Variants in LYPLAL1 observed in about 807,000 individuals in gnomAD.
LYPLAL1 encodes lysophospholipase like 1, also known as lysophospholipase-like protein 1.
LYPLAL1 carries 23 observed loss-of-function variants against 19.7 expected under a neutral mutation model. The observed-to-expected ratio is 1.17, with a 90% CI of 0.84 to 1.65. The LOEUF (loss-of-function observed/expected upper bound fraction) is 1.65. Ranked by LOEUF, LYPLAL1 falls within the 40% of genes most tolerant of loss-of-function variation. The pLI is 0.00. For missense variants in LYPLAL1, 355 were observed against 279.4 expected, an observed-to-expected ratio of 1.27 and a Z score of -1.93; for synonymous variants, 119 against 96.3, an observed-to-expected ratio of 1.24 and a Z score of -1.38.
chr1:219,338,706 A>T, the LYPLAL1 span, among the ~76,000 whole-genome samples: 8 of 151,912 alleles, frequency 5.3e-5, no homozygotes, highest in African/African-American at 1.7e-4. Context: ...TCATCTCAGT[A>T]AATTCTACAA....
At chr1:219,312,177 C>A in the LYPLAL1 span, among the ~76,000 whole-genome samples, 1 of 152,038 alleles carries the variant, frequency 6.6e-6, no homozygotes, top group African/African-American at 2.4e-5. Flanking sequence ...GGACATATTG[C>A]AGGAGGAAGG....
chr1:219,288,621 A>G, the LYPLAL1 span, among the ~76,000 whole-genome samples: 7 of 152,302 alleles, frequency 4.6e-5, no homozygotes, highest in East Asian at 1.4e-3. Context: ...GATATACAAC[A>G]CTAAGCATGA....
At chr1:219,313,526 A>T in the LYPLAL1 span, among the ~76,000 whole-genome samples, 1 of 77,240 alleles carries the variant, frequency 1.3e-5, no homozygotes, top group East Asian at 8.0e-4. Flanking sequence ...CTTTTTAAAA[A>T]AACTTTTTTT....
the LYPLAL1 span, among the ~76,000 whole-genome samples, chr1:219,294,297 A>G: frequency 6.6e-6 from 1 of 152,200 alleles, no homozygotes; most frequent in African/African-American, 2.4e-5. Context: ...CAATTAGTCA[A>G]GGATCCTTGT....
At chr1:219,388,575 G>A in the LYPLAL1 span, among the ~76,000 whole-genome samples, 3 of 152,144 alleles carry the variant, frequency 2.0e-5, no homozygotes, top group Admixed American at 2.0e-4. Flanking sequence ...TGACTGGAAG[G>A]GTTCGATTCT....
the LYPLAL1 span, among the ~76,000 whole-genome samples, chr1:219,247,582 A>G: frequency 6.6e-6 from 1 of 152,232 alleles, no homozygotes. Context: ...ACTATTAACC[A>G]GAACTAGGCT....
the LYPLAL1 span, among the ~76,000 whole-genome samples, chr1:219,437,747 TTGTA>T: frequency 6.3e-5 from 9 of 143,470 alleles, no homozygotes; most frequent in South Asian, 2.2e-4. Flanking sequence ...TATTATTTTA[TTGTA>T]TTTATTTTAT....
At chr1:219,195,126 T>C (rs1197623151) in intron 3 of LYPLAL1, among the ~76,000 whole-genome samples, 1 of 152,096 alleles carries the variant, frequency 6.6e-6, no homozygotes, top group African/African-American at 2.4e-5. Flanking sequence ...AATAATAATA[T>C]AATATCTGTT....
the LYPLAL1 span, among the ~76,000 whole-genome samples, chr1:219,376,362 G>T: frequency 1.3e-5 from 2 of 152,016 alleles, no homozygotes; most frequent in East Asian, 3.9e-4. Context: ...AAATATAAAA[G>T]CAAAAATTAT....
intron 1 of LYPLAL1, among the ~76,000 whole-genome samples, chr1:219,177,314 T>A (rs1250046484): frequency 6.6e-6 from 1 of 152,198 alleles, no homozygotes; most frequent in Non-Finnish European, 1.5e-5. Context: ...TTTTAGCTTT[T>A]GTGGGCCATG....
the LYPLAL1 span, among the ~76,000 whole-genome samples, chr1:219,361,438 G>T: frequency 1.4e-4 from 21 of 152,074 alleles, no homozygotes; most frequent in Admixed American, 4.6e-4. Flanking sequence ...AGCTATATTT[G>T]CTAGGGAGTG....
the LYPLAL1 span, among the ~76,000 whole-genome samples, chr1:219,321,629 G>C: frequency 6.6e-6 from 1 of 152,146 alleles, no homozygotes; most frequent in Non-Finnish European, 1.5e-5. Flanking sequence ...AAAGGTGTAA[G>C]GAAGGGATCA....
the LYPLAL1 span, among the ~76,000 whole-genome samples, chr1:219,264,755 G>C: frequency 6.6e-6 from 1 of 152,168 alleles, no homozygotes; most frequent in Non-Finnish European, 1.5e-5. Flanking sequence ...CAATGCCTGT[G>C]TGAGCTCCAG....
the LYPLAL1 span, among the ~76,000 whole-genome samples, chr1:219,301,323 G>T: frequency 6.6e-6 from 1 of 152,130 alleles, no homozygotes; most frequent in Non-Finnish European, 1.5e-5. Flanking sequence ...CGTAATTATG[G>T]TACAGAATGG....
the LYPLAL1 span, among the ~76,000 whole-genome samples, chr1:219,404,174 G>A: frequency 6.6e-6 from 1 of 152,086 alleles, no homozygotes; most frequent in Non-Finnish European, 1.5e-5. Context: ...CATCATAAGA[G>A]CCCCATTCTC....
chr1:219,336,216 T>C, the LYPLAL1 span, among the ~76,000 whole-genome samples: 1 of 151,744 alleles, frequency 6.6e-6, no homozygotes, highest in Non-Finnish European at 1.5e-5. Context: ...CACCAGCTAA[T>C]TTTGGAGGCA....
chr1:219,280,594 G>A, the LYPLAL1 span, among the ~76,000 whole-genome samples: 1 of 152,088 alleles, frequency 6.6e-6, no homozygotes, highest in South Asian at 2.1e-4. Context: ...TATATGTTTA[G>A]TCTAGGAAAA....
At chr1:219,348,997 A>G in the LYPLAL1 span, among the ~76,000 whole-genome samples, 3 of 152,208 alleles carry the variant, frequency 2.0e-5, no homozygotes, top group Non-Finnish European at 2.9e-5. Flanking sequence ...TCATATGATT[A>G]TTTCATTTTA....
the LYPLAL1 span, among the ~76,000 whole-genome samples, chr1:219,388,646 G>A: frequency 6.6e-6 from 1 of 152,082 alleles, no homozygotes; most frequent in African/African-American, 2.4e-5. Context: ...TACCCCAAAA[G>A]TTGTCTACTA....
Sources: gnomAD v4.1 joint callset for allele counts (sites outside exome capture counted in the v4.1 genomes callset) on GRCh38, gnomAD v4.1.1 for gene constraint, MANE v1.5 for transcripts, NCBI Gene and HGNC (gene_info 2026-07-23, HGNC 2026-07-21) for gene names.